The following HMGN2 variants were observed in gnomAD, a reference collection of about 807,000 sequenced individuals.
HMGN2 encodes high mobility group nucleosomal binding domain 2, also known as non-histone chromosomal protein HMG-17.
HMGN2 carries 2 observed loss-of-function variants against 16.9 expected under a neutral mutation model. That is an observed-to-expected ratio of 0.12 (90% confidence interval 0.05 to 0.37). The LOEUF is 0.37. Ranked by LOEUF, HMGN2 falls within the 10% of genes least tolerant of loss-of-function variation. The pLI is 1.00. For synonymous variants in HMGN2, 31 were observed against 34.9 expected, an observed-to-expected ratio of 0.89 and a Z score of 0.39; for missense variants, 90 against 106.0, an observed-to-expected ratio of 0.85 and a Z score of 0.66.
chr1:26,474,690 T>C (rs1210737879), intron 5 of HMGN2, 23 bp downstream of exon 5: 1 of 1,109,718 alleles, frequency 9.0e-7, no homozygotes, highest in African/African-American at 1.5e-5. Context: ...TTTCACCCTT[T>C]GTTAGATTTG....
At chr1:26,475,052 A>G (rs2075598894) in intron 5 of HMGN2, 61 bp from the exon 6 acceptor site, 3 of 1,340,936 alleles carry the variant, frequency 2.2e-6, no homozygotes, top group African/African-American at 1.4e-5. Context: ...CTGTAGGTGG[A>G]ATGTGAACAC....
intron 1 of HMGN2, 42 bp downstream of exon 1, chr1:26,472,669 G>A (rs1271994449): frequency 1.3e-6 from 2 of 1,486,790 alleles, no homozygotes; most frequent in Non-Finnish European, 1.8e-6. Flanking sequence ...CACCACTGCC[G>A]CCACCGCCGC....
intron 1 of HMGN2, 179 bp from the exon 2 acceptor site, chr1:26,473,304 T>C: frequency 3.6e-6 from 2 of 548,214 alleles, no homozygotes; most frequent in Non-Finnish European, 6.5e-6. Flanking sequence ...CTTCTCGGGG[T>C]CGGCGAGCCG....
At chr1:26,474,519 A>G in intron 4 of HMGN2, 53 bp from the exon 5 acceptor site, 2 of 846,094 alleles carry the variant, frequency 2.4e-6, no homozygotes, top group South Asian at 1.4e-5. Context: ...TGCAGACCAT[A>G]CCTTGGTAAT....
intron 1 of HMGN2, chr1:26,473,205 T>G (rs757201734): frequency 8.6e-5 from 39 of 452,400 alleles, no homozygotes; most frequent in South Asian, 1.7e-4. Context: ...GGAGGGGGTT[T>G]GTTTGCGCCA....
chr1:26,476,379 G>T lies in HMGN2; in HGVS notation c.*1231G>T, dbSNP rs2075609163. ...CAAATTAATAGACTCATGTCAGAGA[G>T]TGTCTCTGTGAATGTGTACACAGTT... On this transcript the variant is annotated 3_prime_UTR_variant, in exon 6 of 6. Coordinates refer to ENST00000361427, the MANE Select transcript of HMGN2 (RefSeq NM_005517.4). Among the ~76,000 whole-genome samples, 2 of 152,222 alleles carry T rather than the reference G, an allele frequency of 1.3e-5. No homozygotes were observed. Among genetic ancestry groups the T allele is most frequent in the Non-Finnish European group, 2.9e-5 (2 of 68,044 alleles).
chr1:26,474,709 G>A (rs762480872), intron 5 of HMGN2, 42 bp downstream of exon 5: 2 of 937,380 alleles, frequency 2.1e-6, no homozygotes, highest in East Asian at 4.9e-5. Context: ...TGTTCATTCA[G>A]TTAGTTGCTG....
At position 26,474,221 on chromosome 1, in the gene HMGN2, A is replaced by G. The variant is rs1185133224; in HGVS notation, c.141+86A>G. 2.0e-5 allele frequency: 19 copies of G among 969,608 alleles called. 1 individual carries two copies. The South Asian group carries it at 2.6e-4, about 13-fold the overall frequency. 60.1% of individuals were successfully genotyped at this position (969,608 alleles called of 1,614,324 possible). A position where few individuals can be genotyped will look rare whatever the true frequency, so the allele number is the denominator to read the frequency against. On this transcript the variant is annotated intron_variant, in intron 4 of 5. Coordinates refer to ENST00000361427, the MANE Select transcript of HMGN2 (RefSeq NM_005517.4). ...ACTTAATTAGCATAATGGTGCCTCC[A>G]TTAATGGAGGTTATAAACTGTGTGG...
chr1:26,476,366 C>T lies in HMGN2; in HGVS notation c.*1218C>T, dbSNP rs143924126. On this transcript the variant is annotated 3_prime_UTR_variant, in exon 6 of 6. Transcript: ENST00000361427. The stretch of plus-strand genomic sequence containing the variant: ...TCTATAAAATTAGCAAATTAATAGA[C>T]TCATGTCAGAGAGTGTCTCTGTGAA... Among the ~76,000 whole-genome samples, 85 of 152,272 alleles carry T rather than the reference C, an allele frequency of 5.6e-4. 1 individual carries two copies. The highest frequency in any genetic ancestry group is 1.9e-3 in the African/African-American group (80 of 41,560).
At position 26,474,404 on chromosome 1, in the gene HMGN2, A is replaced by G. The variant is rs139851788; in HGVS notation, c.142-168A>G. On this transcript the variant is annotated intron_variant, in intron 4 of 5. Coordinates refer to ENST00000361427, the MANE Select transcript of HMGN2 (RefSeq NM_005517.4). ...GGAAATTCTAAGTACTAAAGATTAT[A>G]GCAAATTACAGATAATTTAGCCTAG... 5.6e-4 allele frequency among the ~76,000 whole-genome samples: 85 copies of G among 152,374 alleles called. 1 individual carries two copies. The highest frequency in any genetic ancestry group is 1.9e-3 in the African/African-American group (80 of 41,590).
At position 26,474,833 on chromosome 1, in the gene HMGN2, C is replaced by G. The variant is rs1401305061; in HGVS notation, c.237+166C>G. ...CCTGGATTCTTGAAATCTCTACTGT[C>G]AGCTGAAGGGCATTGTGTTTTATAC... On this transcript the variant is annotated intron_variant, in intron 5 of 5. Transcript: ENST00000361427. 3 of 625,894 alleles carry G rather than the reference C, an allele frequency of 4.8e-6. No individual in the cohort carries two copies. In the African/African-American group the frequency reaches 5.5e-5, roughly 11 times the overall value. The allele number at this position is 625,894 out of a possible 1,614,324, so 38.8% of individuals were successfully genotyped here.
At chr1:26,472,729 G>T (rs2075579199) in intron 1 of HMGN2, 102 bp downstream of exon 1, 6 of 1,072,314 alleles carry the variant, frequency 5.6e-6, no homozygotes, top group Middle Eastern at 3.1e-4. Context: ...GCAGGAGCCA[G>T]CGCAGCCTCC....
In HMGN2 at chr1:26,476,035, G is replaced by T. The variant is rs2075606180; in HGVS notation, c.*887G>T. 1 of 268,832 alleles carries T rather than the reference G, an allele frequency of 3.7e-6. No individual in the cohort carries two copies. Among genetic ancestry groups the T allele is most frequent in the African/African-American group, 2.3e-5 (1 of 43,782 alleles). The allele number at this position is 268,832 out of a possible 1,614,324, so 16.7% of individuals were successfully genotyped here. On this transcript the variant is annotated 3_prime_UTR_variant, in exon 6 of 6. Transcript: ENST00000361427. ...GGTTTATCCAAGTCTCTTGGAACAG[G>T]GTACGTTCTGCTTTGAGGTACTCCA...
At chr1:26,473,342 ACGAACGTCGGG>A (rs2075588425) in intron 1 of HMGN2, 130 bp from the exon 2 acceptor site, 1 of 644,808 alleles carries the variant, frequency 1.6e-6, no homozygotes, top group African/African-American at 1.8e-5. Context: ...TCGTTCTTAT[ACGAACGTCGGG>A]CTCACTCATT....
chr1:26,474,752 C>T, intron 5 of HMGN2, 85 bp downstream of exon 5: 1 of 725,196 alleles, frequency 1.4e-6, no homozygotes, highest in Non-Finnish European at 2.5e-6. Flanking sequence ...TTTCTTGTAT[C>T]ACTCCAAATG....
At chr1:26,474,450 C>G in intron 4 of HMGN2, 122 bp from the exon 5 acceptor site, 1 of 644,688 alleles carries the variant, frequency 1.6e-6, no homozygotes, top group South Asian at 1.9e-5. Flanking sequence ...TTGTTCTTGT[C>G]AAATGGGTGA....
intron 1 of HMGN2, among the ~76,000 whole-genome samples, chr1:26,473,016 T>TG (rs1441353214): frequency 8.0e-6 from 1 of 124,816 alleles, no homozygotes; most frequent in Non-Finnish European, 1.7e-5. Context: ...GGGAAAGCGC[T>TG]GCCGCCAAAA....
Position 26,472,551 on chromosome 1 carries a change from G to A in HMGN2, c.-62G>A. ...GAGAACGACCCCCGGACCGACCAAA[G>A]CCCGCGCGCCGCTGCATCCCGCGTC... On this transcript the variant is annotated 5_prime_UTR_variant, in exon 1 of 6. Coordinates refer to ENST00000361427, the MANE Select transcript of HMGN2 (RefSeq NM_005517.4). 3 of 1,532,450 alleles carry A rather than the reference G, an allele frequency of 2.0e-6. No homozygotes were observed. Among genetic ancestry groups the A allele is most frequent in the South Asian group, 1.2e-5 (1 of 84,104 alleles). 94.9% of individuals were successfully genotyped at this position (1,532,450 alleles called of 1,614,324 possible).
chr1:26,473,427 G>A (rs2075588851), intron 1 of HMGN2, 56 bp from the exon 2 acceptor site: 1 of 1,259,788 alleles, frequency 7.9e-7, no homozygotes, highest in Non-Finnish European at 1.2e-6. Context: ...CTAAAGTTTG[G>A]GAAGTAATTA....
Sources: gnomAD v4.1 joint callset for allele counts (sites outside exome capture counted in the v4.1 genomes callset) on GRCh38, gnomAD v4.1.1 for gene constraint, MANE v1.5 for transcripts, NCBI Gene and HGNC (gene_info 2026-07-23, HGNC 2026-07-21) for gene names.